C1QTNF3: variants seen among roughly 807,000 people sequenced by gnomAD.
C1QTNF3 encodes the protein C1q and TNF related 3.
A neutral mutation model predicts 32.6 loss-of-function variants in C1QTNF3; 26 were observed. The observed-to-expected ratio is 0.80, with a 90% CI of 0.58 to 1.11. The LOEUF is 1.11. Ranked by LOEUF, C1QTNF3 falls within the 50% of genes least tolerant of loss-of-function variation. C1QTNF3 has a pLI of 0.00. For missense variants in C1QTNF3, 362 were observed against 398.2 expected, an observed-to-expected ratio of 0.91 and a Z score of 0.77; for synonymous variants, 155 against 146.0, an observed-to-expected ratio of 1.06 and a Z score of -0.44.
At chr5:34,120,442 A>G in the C1QTNF3 span, among the ~76,000 whole-genome samples, 1 of 152,196 alleles carries the variant, frequency 6.6e-6, no homozygotes, top group South Asian at 2.1e-4. Context: ...TGGAAATTTG[A>G]CAGTAAATGC....
chr5:34,113,445 TTTTG>T, the C1QTNF3 span, among the ~76,000 whole-genome samples: 1 of 151,840 alleles, frequency 6.6e-6, no homozygotes, highest in African/African-American at 2.4e-5. Context: ...TCAGAATATG[TTTTG>T]TTTTTCTCTT....
At chr5:34,195,625 A>T in the C1QTNF3 span, among the ~76,000 whole-genome samples, 1 of 152,194 alleles carries the variant, frequency 6.6e-6, no homozygotes, top group African/African-American at 2.4e-5. Context: ...GTGGATCACG[A>T]GGTCAGGAGA....
At chr5:34,100,647 GCT>G in the C1QTNF3 span, among the ~76,000 whole-genome samples, 12 of 146,436 alleles carry the variant, frequency 8.2e-5, no homozygotes, top group African/African-American at 3.0e-4. Flanking sequence ...GTTACTATTA[GCT>G]CTATTTTCTT....
At chr5:34,175,531 T>C in the C1QTNF3 span, 1 of 312,530 alleles carries the variant, frequency 3.2e-6, no homozygotes, top group Non-Finnish European at 6.1e-6. Flanking sequence ...GTTTCCTTCA[T>C]CCTTGGCTAT....
chr5:34,064,198 T>C, the C1QTNF3 span, among the ~76,000 whole-genome samples: 1 of 152,148 alleles, frequency 6.6e-6, no homozygotes, highest in Non-Finnish European at 1.5e-5. Context: ...GTGCCCAGTA[T>C]TTTCCTCCAA....
chr5:34,227,607 C>T, the C1QTNF3 span, among the ~76,000 whole-genome samples: 8 of 151,890 alleles, frequency 5.3e-5, no homozygotes, highest in Middle Eastern at 0.01. Flanking sequence ...TGAGCGGACC[C>T]GCACAGTTCA....
the C1QTNF3 span, among the ~76,000 whole-genome samples, chr5:34,212,055 G>A: frequency 1.3e-5 from 2 of 151,982 alleles, no homozygotes; most frequent in East Asian, 3.9e-4. Flanking sequence ...CCAAAACAGA[G>A]ATATAGATCA....
chr5:34,213,286 T>G, the C1QTNF3 span, among the ~76,000 whole-genome samples: 2 of 152,150 alleles, frequency 1.3e-5, no homozygotes, highest in Admixed American at 1.3e-4. Context: ...GTTTGCACAG[T>G]AAGATAAACA....
the C1QTNF3 span, among the ~76,000 whole-genome samples, chr5:34,170,176 C>CAGTCACA: frequency 6.6e-6 from 1 of 152,054 alleles, no homozygotes; most frequent in African/African-American, 2.4e-5. Context: ...TGAAATAAGC[C>CAGTCACA]AGTCACAAGA....
chr5:34,048,363 G>C, the C1QTNF3 span, among the ~76,000 whole-genome samples: 1 of 151,658 alleles, frequency 6.6e-6, no homozygotes, highest in African/African-American at 2.4e-5. Context: ...TTGAGCATTT[G>C]TGTCCATCAG....
At chr5:34,081,776 T>C in the C1QTNF3 span, among the ~76,000 whole-genome samples, 1 of 151,694 alleles carries the variant, frequency 6.6e-6, no homozygotes, top group African/African-American at 2.4e-5. Context: ...ATGCATTTAG[T>C]TCCCAGGATG....
the C1QTNF3 span, among the ~76,000 whole-genome samples, chr5:34,062,818 C>G: frequency 6.6e-6 from 1 of 152,218 alleles, no homozygotes; most frequent in South Asian, 2.1e-4. Flanking sequence ...CATTTTCTAA[C>G]AGAATGGCCC....
the C1QTNF3 span, among the ~76,000 whole-genome samples, chr5:34,126,143 T>G: frequency 6.6e-6 from 1 of 152,228 alleles, no homozygotes; most frequent in Non-Finnish European, 1.5e-5. Flanking sequence ...GCCTATAATA[T>G]CTCATACTTA....
chr5:34,224,542 G>A, the C1QTNF3 span, among the ~76,000 whole-genome samples: 5 of 152,100 alleles, frequency 3.3e-5, no homozygotes, highest in African/African-American at 7.2e-5. Flanking sequence ...AGAAAAATAA[G>A]CAATGGGGAA....
the C1QTNF3 span, among the ~76,000 whole-genome samples, chr5:34,203,691 A>G: frequency 2.1e-5 from 3 of 145,896 alleles, no homozygotes; most frequent in East Asian, 3.9e-4. Flanking sequence ...ATCTAAAAGT[A>G]AAAAAAAAAA....
chr5:34,160,271 C>T, the C1QTNF3 span, among the ~76,000 whole-genome samples: 1 of 152,132 alleles, frequency 6.6e-6, no homozygotes, highest in African/African-American at 2.4e-5. Context: ...GAACTCCTAC[C>T]ATCCCGTTTT....
the C1QTNF3 span, among the ~76,000 whole-genome samples, chr5:34,112,296 C>T: frequency 1.3e-5 from 2 of 152,084 alleles, no homozygotes; most frequent in African/African-American, 2.4e-5. Context: ...CAATCAATTA[C>T]AACCCCTTTA....
chr5:34,136,307 AAAAC>A, the C1QTNF3 span, among the ~76,000 whole-genome samples: 2 of 152,276 alleles, frequency 1.3e-5, no homozygotes, highest in African/African-American at 4.8e-5. Context: ...TTACAAGAAA[AAAAC>A]AAACAACCCC....
At chr5:34,204,339 TAGCAATGTGTCCCTC>T in the C1QTNF3 span, among the ~76,000 whole-genome samples, 47 of 152,354 alleles carry the variant, frequency 3.1e-4, no homozygotes, top group Non-Finnish European at 5.1e-4. Context: ...CTATTCACAA[TAGCAATGTGTCCCTC>T]AGTGGATAAT....
Sources: gnomAD v4.1 joint callset for allele counts (sites outside exome capture counted in the v4.1 genomes callset) on GRCh38, gnomAD v4.1.1 for gene constraint, MANE v1.5 for transcripts, NCBI Gene and HGNC (gene_info 2026-07-23, HGNC 2026-07-21) for gene names.